Variants in KCNH5 observed in about 807,000 individuals in gnomAD.
KCNH5 encodes the protein voltage-gated delayed rectifier potassium channel KCNH5.
KCNH5 carries 46 observed loss-of-function variants against 96.1 expected under a neutral mutation model. The ratio of observed to expected loss-of-function variants is 0.48; its 90% CI spans 0.38 to 0.61. The LOEUF is 0.61. KCNH5 is among the 20% of genes least tolerant of loss of function. The pLI is 0.00. For missense variants in KCNH5, 907 were observed against 1,225.8 expected, an observed-to-expected ratio of 0.74 and a Z score of 3.88; for synonymous variants, 439 against 449.8, an observed-to-expected ratio of 0.98 and a Z score of 0.30.
At chr14:62,810,461 C>G (rs1019537430) in intron 8 of KCNH5, among the ~76,000 whole-genome samples, 1 of 152,042 alleles carries the variant, frequency 6.6e-6, no homozygotes, top group Non-Finnish European at 1.5e-5. Context: ...GGCTACACTT[C>G]CAGAGAGTTA....
At chr14:62,741,927 T>G (rs1188008071) in intron 10 of KCNH5, among the ~76,000 whole-genome samples, 2 of 152,168 alleles carry the variant, frequency 1.3e-5, no homozygotes, top group Non-Finnish European at 2.9e-5. Flanking sequence ...AAGAAAAGAT[T>G]ACTGGTATCA....
intron 10 of KCNH5, among the ~76,000 whole-genome samples, chr14:62,752,569 C>G (rs1408201514): frequency 6.6e-6 from 1 of 152,020 alleles, no homozygotes; most frequent in African/African-American, 2.4e-5. Context: ...TGGAGGTACC[C>G]TGGTAGTACT....
intron 10 of KCNH5, among the ~76,000 whole-genome samples, chr14:62,751,844 G>A (rs1488898030): frequency 6.6e-6 from 1 of 152,166 alleles, no homozygotes; most frequent in Non-Finnish European, 1.5e-5. Context: ...ACCCATAGCT[G>A]CTTTTTATAG....
In KCNH5 at chr14:62,706,660, T is replaced by A. The variant is rs373567042; in HGVS notation, c.*848A>T. 1 of 152,180 alleles carries A rather than the reference T, an allele frequency of 6.6e-6. No individual in the cohort carries two copies. The highest frequency in any genetic ancestry group is 1.9e-4 in the East Asian group (1 of 5,194). 9.4% of individuals were successfully genotyped at this position (152,180 alleles called of 1,614,324 possible). The stretch of plus-strand genomic sequence containing the variant: ...ACAAATTTAGAGCATTTATCAGCTT[T>A]GGAAATTCAGCATCTCTTACATGAA... On this transcript the variant is annotated 3_prime_UTR_variant, in exon 11 of 11. Coordinates refer to ENST00000322893, the MANE Select transcript of KCNH5 (RefSeq NM_139318.5).
At chr14:62,852,050 G>T (rs1887818070) in intron 7 of KCNH5, among the ~76,000 whole-genome samples, 1 of 151,992 alleles carries the variant, frequency 6.6e-6, no homozygotes. Context: ...TATCCATTTT[G>T]TTCATTTTTC....
intron 7 of KCNH5, among the ~76,000 whole-genome samples, chr14:62,855,355 T>C (rs1177605649): frequency 6.6e-6 from 1 of 152,180 alleles, no homozygotes; most frequent in African/African-American, 2.4e-5. Context: ...CAGTCTGTGA[T>C]TGTATGTGCA....
intron 6 of KCNH5, among the ~76,000 whole-genome samples, chr14:62,958,006 G>C (rs531324998): frequency 6.6e-6 from 1 of 152,296 alleles, no homozygotes; most frequent in Admixed American, 6.5e-5. Context: ...TGTAAGAAAA[G>C]TGCATATGTT....
intron 5 of KCNH5, among the ~76,000 whole-genome samples, chr14:62,982,826 T>C (rs1265405410): frequency 6.6e-6 from 1 of 152,222 alleles, no homozygotes; most frequent in Admixed American, 6.5e-5. Flanking sequence ...AGAATACTTA[T>C]AAAGATATTT....
chr14:63,031,162 G>C (rs927527952), intron 1 of KCNH5, among the ~76,000 whole-genome samples: 10 of 151,902 alleles, frequency 6.6e-5, no homozygotes, highest in African/African-American at 2.4e-4. Flanking sequence ...AAAAAGACAG[G>C]ACCAGGCCTC....
chr14:62,801,414 C>A (rs1886657632), intron 9 of KCNH5, among the ~76,000 whole-genome samples: 1 of 147,288 alleles, frequency 6.8e-6, no homozygotes, highest in African/African-American at 2.5e-5. Flanking sequence ...CCTCTGACCT[C>A]ATTATTACTT....
In KCNH5 at chr14:62,856,854, G is replaced by C. The variant is rs571247393; in HGVS notation, c.1370-7002C>G. Among the ~76,000 whole-genome samples the C allele has an allele frequency of 9.2e-5, 14 of 151,860 alleles. No individual in the cohort carries two copies. In the South Asian group the frequency reaches 2.7e-3, roughly 30 times the overall value. ...GTGCCAACTGTTTTGTTAGAAACTG[G>C]TCTCATCAATAACTTTAAGTGTTAA... On this transcript the variant is annotated intron_variant, in intron 7 of 10. Coordinates refer to ENST00000322893, the MANE Select transcript of KCNH5 (RefSeq NM_139318.5).
intron 5 of KCNH5, 108 bp downstream of exon 5, chr14:62,986,964 C>A: frequency 1.4e-6 from 1 of 713,082 alleles, no homozygotes; most frequent in Non-Finnish European, 2.5e-6. Flanking sequence ...AAATTATCAG[C>A]TAAGTATTTA....
At chr14:62,780,035 G>A (rs1886177398) in intron 9 of KCNH5, 111 bp from the exon 10 acceptor site, 6 of 807,936 alleles carry the variant, frequency 7.4e-6, no homozygotes, top group Non-Finnish European at 1.1e-5. Context: ...ATTTAGAGCT[G>A]AGGGTATAAC....
Position 62,753,216 on chromosome 14 carries a change from G to T in KCNH5, c.2019+26512C>A, listed in dbSNP as rs184827100. 2.6e-5 allele frequency among the ~76,000 whole-genome samples: 4 copies of T among 152,246 alleles called. No individual in the cohort carries two copies. The East Asian group carries it at 7.7e-4, about 29-fold the overall frequency. Reference sequence around the variant, plus strand: ...TGAAAAATGCAAATGACATACTGATGAATGCATCACAGTCTCTTAATAGCA... The same window carrying T: ...TGAAAAATGCAAATGACATACTGATTAATGCATCACAGTCTCTTAATAGCA... On this transcript the variant is annotated intron_variant, in intron 10 of 10. Transcript: ENST00000322893.
chr14:63,022,721 C>T (rs1281170212), intron 1 of KCNH5, among the ~76,000 whole-genome samples: 1 of 152,132 alleles, frequency 6.6e-6, no homozygotes, highest in African/African-American at 2.4e-5. Context: ...TGCCTAAATA[C>T]CATTCCTTTC....
intron 4 of KCNH5, among the ~76,000 whole-genome samples, chr14:62,987,463 G>T (rs1890732006): frequency 6.6e-6 from 1 of 152,140 alleles, no homozygotes; most frequent in South Asian, 2.1e-4. Flanking sequence ...ACAAAATTCT[G>T]TGCTCCTCCT....
At chr14:63,043,115 C>T (rs1485972439) in intron 1 of KCNH5, among the ~76,000 whole-genome samples, 2 of 152,126 alleles carry the variant, frequency 1.3e-5, no homozygotes, top group Admixed American at 6.5e-5. Context: ...CAGAAACAGA[C>T]ATTTCTAAGC....
chr14:62,851,688 TTTAGGGG>T (rs1397137043), intron 7 of KCNH5, among the ~76,000 whole-genome samples: 1 of 151,994 alleles, frequency 6.6e-6, no homozygotes, highest in Non-Finnish European at 1.5e-5. Context: ...ATAATGAGTA[TTTAGGGG>T]TTAATGAAAT....
At chr14:62,831,391 C>A (rs956425703) in intron 8 of KCNH5, among the ~76,000 whole-genome samples, 1 of 152,146 alleles carries the variant, frequency 6.6e-6, no homozygotes, top group Non-Finnish European at 1.5e-5. Context: ...GAAAAGATTT[C>A]TGAGCACATT....
Sources: gnomAD v4.1 joint callset for allele counts (sites outside exome capture counted in the v4.1 genomes callset) on GRCh38, gnomAD v4.1.1 for gene constraint, MANE v1.5 for transcripts, NCBI Gene and HGNC (gene_info 2026-07-23, HGNC 2026-07-21) for gene names.